Variants in ZNF483 observed in about 807,000 individuals in gnomAD.
ZNF483 encodes the protein zinc finger protein HIT-10.
ZNF483 carries 9 observed loss-of-function variants against 28.6 expected under a neutral mutation model. That is an observed-to-expected ratio of 0.32 (90% CI 0.19 to 0.55). The LOEUF is 0.55. ZNF483 is among the 20% of genes least tolerant of loss of function. The pLI is 0.93. For missense variants in ZNF483, 675 were observed against 871.7 expected, an observed-to-expected ratio of 0.77 and a Z score of 2.84; for synonymous variants, 322 against 306.2, an observed-to-expected ratio of 1.05 and a Z score of -0.54.
downstream of ZNF483, among the ~76,000 whole-genome samples, chr9:111,557,172 C>T (rs947797351): frequency 6.6e-6 from 1 of 152,020 alleles, no homozygotes; most frequent in Non-Finnish European, 1.5e-5. Flanking sequence ...TTCTTTTCTA[C>T]CACATGGAAT....
At chr9:111,572,539 G>A (rs974555650) in intron 5 of ZNF483, among the ~76,000 whole-genome samples, 7 of 151,960 alleles carry the variant, frequency 4.6e-5, no homozygotes, top group African/African-American at 7.2e-5. Flanking sequence ...GCAGTGAGCC[G>A]AGATCGTGCC....
intron 5 of ZNF483, among the ~76,000 whole-genome samples, chr9:111,568,987 C>T (rs1828694423): frequency 6.6e-6 from 1 of 152,152 alleles, no homozygotes; most frequent in Non-Finnish European, 1.5e-5. Flanking sequence ...TCAAAGATGA[C>T]CAAGGCTTTT....
Position 111,553,050 on chromosome 9 carries a change from G to T in ZNF483, c.*9880G>T, listed in dbSNP as rs545483570. 6.6e-6 allele frequency among the ~76,000 whole-genome samples: 1 copy of T among 152,084 alleles called. No individual in the cohort carries two copies. Among genetic ancestry groups the T allele is most frequent in the Non-Finnish European group, 1.5e-5 (1 of 67,986 alleles). ...GACCCTTTTAAAAGTTGTTTAAATT[G>T]TTTTGTTAGAAATTTCACTCGCAGT... On this transcript the variant is annotated 3_prime_UTR_variant, in exon 6 of 6. Transcript: ENST00000309235.
At chr9:111,533,910 T>C (rs202078438) in intron 4 of ZNF483, 45 bp downstream of exon 4, 1 of 1,571,682 alleles carries the variant, frequency 6.4e-7, no homozygotes, top group African/African-American at 1.4e-5. Flanking sequence ...ACCTTGGGTC[T>C]CTTTTTGTTC....
At chr9:111,560,636 C>CAAA (rs1015199330) in intron 5 of ZNF483, among the ~76,000 whole-genome samples, 43 of 26,266 alleles carry the variant, frequency 1.6e-3, no homozygotes, top group East Asian at 8.7e-3. Context: ...GACACCATCT[C>CAAA]AAAAAAAAAA....
Position 111,549,923 on chromosome 9 carries a change from TTGAA to T in ZNF483, c.*6756_*6759del, listed in dbSNP as rs1286361637. 9 of 640,916 alleles carry T rather than the reference TTGAA, an allele frequency of 1.4e-5. No individual in the cohort carries two copies. Among genetic ancestry groups the T allele is most frequent in the African/African-American group, 1.1e-4 (6 of 53,332 alleles). 39.7% of individuals were successfully genotyped at this position (640,916 alleles called of 1,614,324 possible). A position where few individuals can be genotyped will look rare whatever the true frequency, so the allele number is the denominator to read the frequency against. On this transcript the variant is annotated 3_prime_UTR_variant, in exon 6 of 6. Coordinates refer to ENST00000309235, the MANE Select transcript of ZNF483 (RefSeq NM_133464.5). ...TTTTTTGTTGGTTTATTTTGTGCCTTTGAATGGTCAATACTTGTTTCTTTGTATG... is the reference window on the plus strand; with the variant it reads ...TTTTTTGTTGGTTTATTTTGTGCCTTTGGTCAATACTTGTTTCTTTGTATG...
chr9:111,534,300 A>G lies in ZNF483; in HGVS notation c.668A>G (p.Lys223Arg). The G allele has an allele frequency of 6.2e-7, 1 of 1,614,130 alleles. No homozygotes were observed. The highest frequency in any genetic ancestry group is 1.1e-5 in the South Asian group (1 of 91,066). ...VSKLELISQL[K>R]WVELPWLLEE... ...AAATTAGAGTTGATTTCCCAGCTAA[A>G]GTGGGTTGAATTGCCATGGCTGCTG... The change falls in exon 5 of 6, where the codon AAG becomes AGG. Residue 223 changes from lysine to arginine, a missense_variant. Around this residue, in one of 6 missense-constraint regions of ZNF483, gnomAD observed 525 missense variants for 581.8 expected, o/e 0.90. Transcript: ENST00000309235.
At chr9:111,556,987 G>C (rs2132297979), downstream of ZNF483, among the ~76,000 whole-genome samples, 1 of 152,262 alleles carries the variant, frequency 6.6e-6, no homozygotes, top group Middle Eastern at 3.4e-3. Flanking sequence ...CCCTGGGCCT[G>C]GCCTGTGAAA....
rs543784342 is a variant in ZNF483 at position 111,554,215 on chromosome 9, A to G, written c.*11045A>G. On this transcript the variant is annotated 3_prime_UTR_variant, in exon 6 of 6. Coordinates refer to ENST00000309235, the MANE Select transcript of ZNF483 (RefSeq NM_133464.5). ...ACTTAGCAAATGGAATTGATAGTTA[A>G]TGGGTTTTTTGTTTGTTTGCCTGGG... Among the ~76,000 whole-genome samples the G allele has an allele frequency of 5.3e-5, 8 of 152,358 alleles. No individual in the cohort carries two copies. The highest frequency in any genetic ancestry group is 1.4e-4 in the African/African-American group (6 of 41,580).
intron 5 of ZNF483, among the ~76,000 whole-genome samples, chr9:111,535,853 G>T (rs1201925924): frequency 7.0e-6 from 1 of 143,342 alleles, no homozygotes; most frequent in East Asian, 2.2e-4. Context: ...CCAGGATTAG[G>T]TTTTTTTATA....
Position 111,560,964 on chromosome 9 carries a change from TATATATATATAGAGAGAGAGAGAG to T in ZNF483, c.722-15399_722-15376del, listed in dbSNP as rs1231358371. 8.2e-4 allele frequency among the ~76,000 whole-genome samples: 40 copies of T among 48,488 alleles called. 7 individuals carry two copies. In the East Asian group the frequency reaches 0.021, roughly 25 times the overall value. The allele number at this position is 48,488 out of a possible 152,430, so 31.8% of individuals were successfully genotyped here. A position where few individuals can be genotyped will look rare whatever the true frequency, so the allele number is the denominator to read the frequency against. ...TCTAAAATATATATATATATATATA[TATATATATATAGAGAGAGAGAGAG>T]AGAGAGAGAGAGAGAGAGAGAGAGA... On this transcript the variant is annotated intron_variant, in intron 5 of 5. Transcript: ENST00000358151.
At position 111,553,175 on chromosome 9, in the gene ZNF483, G is replaced by C. The variant is rs186525455; in HGVS notation, c.*10005G>C. Among the ~76,000 whole-genome samples, 548 of 152,214 alleles carry C rather than the reference G, an allele frequency of 3.6e-3. No homozygotes were observed. Among genetic ancestry groups the C allele is most frequent in the Middle Eastern group, 0.01 (3 of 294 alleles). On this transcript the variant is annotated 3_prime_UTR_variant, in exon 6 of 6. Coordinates refer to ENST00000309235, the MANE Select transcript of ZNF483 (RefSeq NM_133464.5). ...TATTGTCTTAAGTATTATCTACTATGTATCTTTAACACTTTTGAATAGAAC... is the reference window on the plus strand; with the variant it reads ...TATTGTCTTAAGTATTATCTACTATCTATCTTTAACACTTTTGAATAGAAC...
At chr9:111,556,595 C>T (rs542851859), downstream of ZNF483, among the ~76,000 whole-genome samples, 2 of 152,362 alleles carry the variant, frequency 1.3e-5, no homozygotes, top group South Asian at 4.1e-4. Flanking sequence ...AGGCCAACAC[C>T]ACATAGAAAC....
chr9:111,566,740 T>C (rs1460984853), intron 5 of ZNF483, among the ~76,000 whole-genome samples: 2 of 152,172 alleles, frequency 1.3e-5, no homozygotes, highest in African/African-American at 4.8e-5. Context: ...GGGCTGGAGA[T>C]ACACCAGAAA....
At chr9:111,532,678 T>G (rs957244090) in intron 3 of ZNF483, among the ~76,000 whole-genome samples, 15 of 152,298 alleles carry the variant, frequency 9.8e-5, no homozygotes, top group African/African-American at 3.6e-4. Context: ...CAGAGGAAGG[T>G]AATACACGTA....
chr9:111,525,941 G>T (rs565409556), intron 1 of ZNF483, among the ~76,000 whole-genome samples: 13 of 152,246 alleles, frequency 8.5e-5, no homozygotes, highest in African/African-American at 3.1e-4. Context: ...TTGTAGTCCC[G>T]CTCCGGCTGT....
chr9:111,560,155 G>A (rs1828231811), downstream of ZNF483, among the ~76,000 whole-genome samples: 1 of 151,700 alleles, frequency 6.6e-6, no homozygotes. Flanking sequence ...AGACCAGCCT[G>A]GCCAACATGG....
At position 111,543,107 on chromosome 9, in the gene ZNF483, T is replaced by G. The variant is rs751606176; in HGVS notation, c.2172T>G (p.Cys724Trp). The G allele has an allele frequency of 6.2e-7, 1 of 1,614,006 alleles. No individual in the cohort carries two copies. The highest frequency in any genetic ancestry group is 8.5e-7 in the Non-Finnish European group (1 of 1,179,954). The stretch of plus-strand genomic sequence containing the variant: ...GGAGAGAATATGAATGTAACGAATG[T>G]GAGAAGACATTTAAAAGTAATTCAG... Reference protein sequence around the residue: ...TGRREYECNECEKTFKSNSGL... With the variant: ...TGRREYECNEWEKTFKSNSGL... Residue 724 changes from cysteine to tryptophan, a missense_variant, in exon 6 of 6, where the codon TGT becomes TGG. Coordinates refer to ENST00000309235, the MANE Select transcript of ZNF483 (RefSeq NM_133464.5).
At chr9:111,528,560 T>G (rs1827238925) in intron 2 of ZNF483, among the ~76,000 whole-genome samples, 1 of 152,190 alleles carries the variant, frequency 6.6e-6, no homozygotes, top group Non-Finnish European at 1.5e-5. Context: ...CTATTTATGT[T>G]CTCAAATATG....
Sources: gnomAD v4.1 joint callset for allele counts (sites outside exome capture counted in the v4.1 genomes callset) on GRCh38, gnomAD v4.1.1 for gene constraint, gnomAD v4.1.1 regional missense constraint, MANE v1.5 for transcripts, NCBI Gene and HGNC (gene_info 2026-07-23, HGNC 2026-07-21) for gene names.